PRDM1: variants seen among roughly 807,000 people sequenced by gnomAD.
PRDM1 encodes PR domain zinc finger protein 1.
Under a neutral mutation model 62.8 loss-of-function variants are expected in PRDM1, and 13 were observed. The ratio of observed to expected loss-of-function variants is 0.21; its 90% CI spans 0.13 to 0.33. PRDM1 has a LOEUF of 0.33. PRDM1 is among the 10% of genes least tolerant of loss of function. The probability of loss-of-function intolerance (pLI) is 1.00; values close to 1 mark genes in which losing one functional copy is unlikely to be tolerated. For missense variants in PRDM1, 895 were observed against 1,058.8 expected, an observed-to-expected ratio of 0.85 and a Z score of 2.15; for synonymous variants, 396 against 417.6, an observed-to-expected ratio of 0.95 and a Z score of 0.63.
intron 1 of PRDM1, among the ~76,000 whole-genome samples, chr6:106,053,971 C>T (rs1773223198): frequency 6.6e-6 from 1 of 151,998 alleles, no homozygotes; most frequent in African/African-American, 2.4e-5. Flanking sequence ...TGTAAAAAGT[C>T]ACAGAATAAA....
Position 105,994,852 on chromosome 6 carries a change from A to G in PRDM1, c.-67+1213A>G, listed in dbSNP as rs1702984715. On this transcript the variant is annotated intron_variant, in intron 1 of 6. Transcript: ENST00000652320. This position sits in a 1 kb window ranked among gnomAD's most constrained non-coding sequence, Gnocchi z 4.1. ...GCCCTCCAGTCCCGCCGCGTCGGGA[A>G]TGCGAGCCCGGCCACGCGGTCCGAC... 6.6e-6 allele frequency among the ~76,000 whole-genome samples: 1 copy of G among 152,220 alleles called. No homozygotes were observed. The highest frequency in any genetic ancestry group is 6.5e-5 in the Admixed American group (1 of 15,288).
chr6:106,014,058 A>ATTTTTTTTTTTTTTTTTTTTTTTTTTTT (rs71006664), intron 1 of PRDM1, among the ~76,000 whole-genome samples: 1 of 105,102 alleles, frequency 9.5e-6, no homozygotes. Flanking sequence ...AGGACAAGGA[A>ATTTTTTTTTTTTTTTTTTTTTTTTTTTT]TTTTTTTTTT....
intron 1 of PRDM1, among the ~76,000 whole-genome samples, chr6:106,034,416 T>A (rs1386405471): frequency 4.6e-5 from 7 of 152,054 alleles, no homozygotes; most frequent in Non-Finnish European, 8.8e-5. Flanking sequence ...GCAATGCTTT[T>A]GCTGCATCCC....
intron 3 of PRDM1, chr6:106,098,343 C>T (rs1774169026): frequency 2.0e-6 from 2 of 985,172 alleles, no homozygotes; most frequent in South Asian, 4.7e-5. Flanking sequence ...TAAGAGTGTA[C>T]GTTTTAATTT....
At chr6:106,087,629 G>GA (rs1225320362) in intron 1 of PRDM1, 1 of 232,860 alleles carries the variant, frequency 4.3e-6, no homozygotes, top group Non-Finnish European at 8.5e-6. Context: ...GCAGCAGAGG[G>GA]AGGAGGCAGT....
At chr6:106,050,022 TAGG>T (rs147665217) in intron 1 of PRDM1, among the ~76,000 whole-genome samples, 42 of 152,278 alleles carry the variant, frequency 2.8e-4, no homozygotes, top group African/African-American at 9.4e-4. Context: ...CAGAGTAGCA[TAGG>T]AGATGACACT....
At chr6:106,009,092 C>T (rs116660083) in intron 1 of PRDM1, among the ~76,000 whole-genome samples, 1,789 of 152,334 alleles carry the variant, frequency 0.012, 41 homozygotes, top group African/African-American at 0.04. Flanking sequence ...CCCCTTCTGT[C>T]TTAGCGCTCT....
At chr6:106,060,123 T>C (rs566973245) in intron 1 of PRDM1, among the ~76,000 whole-genome samples, 3 of 152,312 alleles carry the variant, frequency 2.0e-5, no homozygotes, top group African/African-American at 7.2e-5. Flanking sequence ...TCCAGACAGT[T>C]ATTTAAATTC....
upstream of PRDM1, among the ~76,000 whole-genome samples, chr6:106,084,151 GT>G (rs988112694): frequency 1.3e-4 from 19 of 149,156 alleles, no homozygotes; most frequent in Non-Finnish European, 2.2e-4. Flanking sequence ...TGGTTTGGAG[GT>G]TTTTTTTTTC....
rs1034681061 is a variant in PRDM1 at position 106,040,778 on chromosome 6, A to G, written c.-67+47139A>G. ...CTTTATTACCTTCCTAAATGTGCAT[A>G]TAATTATAGAGGAACAATTAAGATA... is the stretch of plus-strand genomic sequence containing the variant. On this transcript the variant is annotated intron_variant, in intron 1 of 6. Coordinates refer to the PRDM1 transcript ENST00000652320. 2.6e-5 allele frequency among the ~76,000 whole-genome samples: 4 copies of G among 152,222 alleles called. No homozygotes were observed. In the East Asian group the frequency reaches 5.8e-4, roughly 22 times the overall value.
At position 106,105,602 on chromosome 6, in the gene PRDM1, C is replaced by T. The variant is rs755941445; in HGVS notation, c.1442C>T (p.Pro481Leu). Residue 481 changes from proline to leucine, a missense_variant, in exon 5 of 7, where the codon CCG becomes CTG. Transcript: ENST00000369096. ...PSDGARRLLQ[P>L]EHPREVLVPA... ...GATGGAGCCCGGAGGTTGCTCCAGC[C>T]GGAGCATCCCAGGGAGGTGCTTGTC... 2 of 1,613,112 alleles carry T rather than the reference C, an allele frequency of 1.2e-6. No individual in the cohort carries two copies. The highest frequency in any genetic ancestry group is 1.3e-5 in the African/African-American group (1 of 74,918).
At chr6:105,995,027 C>G (rs1772330888) in intron 1 of PRDM1, among the ~76,000 whole-genome samples, 2 of 152,236 alleles carry the variant, frequency 1.3e-5, no homozygotes, top group Admixed American at 6.5e-5. Flanking sequence ...GTCGCAGCCG[C>G]GCACTTCCCG....
intron 1 of PRDM1, among the ~76,000 whole-genome samples, chr6:106,056,003 C>CA (rs1232503680): frequency 5.3e-5 from 8 of 151,496 alleles, no homozygotes; most frequent in Non-Finnish European, 3.0e-5. Context: ...TTCTTAAGAA[C>CA]AATTTTTTTT....
chr6:106,078,492 G>A (rs1308208916), intron 1 of PRDM1, among the ~76,000 whole-genome samples: 1 of 152,224 alleles, frequency 6.6e-6, no homozygotes, highest in Non-Finnish European at 1.5e-5. Context: ...GATGGAGCAG[G>A]ATAGCAGCCA....
At chr6:106,002,728 T>G (rs1361029784) in intron 1 of PRDM1, among the ~76,000 whole-genome samples, 2 of 152,182 alleles carry the variant, frequency 1.3e-5, no homozygotes, top group Non-Finnish European at 2.9e-5. Context: ...TTTGAGGCAT[T>G]CTATTCATTC....
intron 2 of PRDM1, among the ~76,000 whole-genome samples, chr6:106,093,618 CAAT>C (rs897617264): frequency 4.6e-5 from 7 of 152,004 alleles, no homozygotes; most frequent in Admixed American, 3.3e-4. Context: ...TAATTAGATT[CAAT>C]AATAATATGT....
At chr6:106,037,426 C>A (rs908754379) in intron 1 of PRDM1, among the ~76,000 whole-genome samples, 3 of 152,130 alleles carry the variant, frequency 2.0e-5, no homozygotes, top group African/African-American at 7.2e-5. Context: ...GCCACTGTTT[C>A]CTCAGATAAT....
upstream of PRDM1, among the ~76,000 whole-genome samples, chr6:106,083,542 G>A (rs1773733871): frequency 6.6e-6 from 1 of 152,154 alleles, no homozygotes; most frequent in African/African-American, 2.4e-5. Context: ...GGAACTGGGA[G>A]AGGAAAAAAA....
intron 1 of PRDM1, among the ~76,000 whole-genome samples, chr6:106,076,601 TC>T (rs1315309360): frequency 6.6e-6 from 1 of 152,186 alleles, no homozygotes; most frequent in African/African-American, 2.4e-5. Flanking sequence ...ATTTATTAGA[TC>T]TGAATTAATA....
Sources: allele counts gnomAD v4.1 joint callset (sites outside exome capture counted in the v4.1 genomes callset), GRCh38; gene constraint gnomAD v4.1.1; non-coding constraint Gnocchi (gnomAD v3.1); transcripts MANE v1.5; gene names NCBI Gene and HGNC (gene_info 2026-07-23, HGNC 2026-07-21).